CSMD1: variants seen among roughly 807,000 people sequenced by gnomAD.
The protein encoded by CSMD1 is CUB and Sushi multiple domains 1, also known as CUB and sushi domain-containing protein 1.
Under a neutral mutation model 417.5 loss-of-function variants are expected in CSMD1, and 213 were observed. The observed-to-expected ratio is 0.51, with a 90% CI of 0.46 to 0.57. CSMD1 has a LOEUF of 0.57. Among genes scored for constraint, CSMD1 ranks in the 20% least tolerant of loss-of-function variants. CSMD1 has a pLI of 0.00. For missense variants in CSMD1, 6,923 were observed against 4,529.7 expected, an observed-to-expected ratio of 1.53 and a Z score of -15.17; for synonymous variants, 2,862 against 1,736.8, an observed-to-expected ratio of 1.65 and a Z score of -16.11.
intron 3 of CSMD1, among the ~76,000 whole-genome samples, chr8:4,137,208 C>T (rs902880652): frequency 6.6e-6 from 1 of 152,190 alleles, no homozygotes; most frequent in African/African-American, 2.4e-5. Flanking sequence ...TGCCTGGAAA[C>T]AGTTGCCTTT....
intron 10 of CSMD1, among the ~76,000 whole-genome samples, chr8:3,533,969 A>G (rs568172480): frequency 6.6e-6 from 1 of 152,292 alleles, no homozygotes; most frequent in South Asian, 2.1e-4. Flanking sequence ...ACATGAAACA[A>G]AATTTTGTTT....
Position 4,715,063 on chromosome 8 carries a change from A to T in CSMD1, c.86-77505T>A, listed in dbSNP as rs1056682014. 1.2e-4 allele frequency among the ~76,000 whole-genome samples: 19 copies of T among 152,274 alleles called. No individual in the cohort carries two copies. The East Asian group carries it at 3.5e-3, about 28-fold the overall frequency. On this transcript the variant is annotated intron_variant, in intron 1 of 69. Transcript: ENST00000635120. Reference sequence around the variant, plus strand: ...TATGTTATTCAGGGTCTGTTATTTAAGTCCAGATAATTATCCAAAAACACT... The same window carrying T: ...TATGTTATTCAGGGTCTGTTATTTATGTCCAGATAATTATCCAAAAACACT...
chr8:3,337,423 G>A (rs918804599), intron 23 of CSMD1, among the ~76,000 whole-genome samples: 1 of 152,148 alleles, frequency 6.6e-6, no homozygotes, highest in Non-Finnish European at 1.5e-5. Context: ...CAGCCACAAG[G>A]TTTATTCTAC....
intron 7 of CSMD1, among the ~76,000 whole-genome samples, chr8:3,673,007 C>T (rs753151852): frequency 2.6e-5 from 4 of 152,172 alleles, no homozygotes; most frequent in Admixed American, 2.6e-4. Flanking sequence ...ACATACCATG[C>T]TTTCCTTGTT....
chr8:3,176,478 A>G (rs559532774), intron 37 of CSMD1, among the ~76,000 whole-genome samples: 6 of 152,286 alleles, frequency 3.9e-5, no homozygotes, highest in African/African-American at 1.4e-4. Context: ...TAGTATTGGT[A>G]TAACTATCTT....
At chr8:4,752,695 C>T (rs1024813151) in intron 1 of CSMD1, among the ~76,000 whole-genome samples, 2 of 152,138 alleles carry the variant, frequency 1.3e-5, no homozygotes, top group African/African-American at 2.4e-5. Context: ...GATTGCTCTA[C>T]ACAGGGGTGG....
intron 3 of CSMD1, among the ~76,000 whole-genome samples, chr8:4,165,934 C>G (rs1181441398): frequency 6.6e-6 from 1 of 152,210 alleles, no homozygotes; most frequent in African/African-American, 2.4e-5. Context: ...GATAAACTAT[C>G]ATTACTCTTA....
At chr8:3,581,874 T>C (rs1209619564) in intron 9 of CSMD1, among the ~76,000 whole-genome samples, 1 of 152,198 alleles carries the variant, frequency 6.6e-6, no homozygotes, top group Non-Finnish European at 1.5e-5. Context: ...GCACGATCTC[T>C]GCTTACTGCA....
At chr8:3,162,004 G>A (rs1327241900) in intron 38 of CSMD1, among the ~76,000 whole-genome samples, 155 bp downstream of exon 38, 1 of 152,204 alleles carries the variant, frequency 6.6e-6, no homozygotes, top group African/African-American at 2.4e-5. Context: ...TCCAAATGGT[G>A]ACGAAGATGA....
intron 2 of CSMD1, among the ~76,000 whole-genome samples, chr8:4,588,830 A>T (rs952886613): frequency 1.3e-4 from 20 of 148,240 alleles, no homozygotes; most frequent in Non-Finnish European, 1.5e-5. Flanking sequence ...TCTGTGCTTG[A>T]TTCTGTTCAC....
At chr8:4,121,173 G>C (rs879885541) in intron 3 of CSMD1, among the ~76,000 whole-genome samples, 6 of 151,894 alleles carry the variant, frequency 4.0e-5, no homozygotes, top group African/African-American at 9.7e-5. Flanking sequence ...GGAGTGCAAT[G>C]GCACGATCTT....
chr8:3,698,127 C>A (rs1224024015), intron 7 of CSMD1, among the ~76,000 whole-genome samples: 3 of 152,154 alleles, frequency 2.0e-5, no homozygotes, highest in African/African-American at 7.2e-5. Flanking sequence ...CTTCTAGTTC[C>A]CAGTGATGCT....
chr8:3,458,388 G>GA (rs1443925867), intron 12 of CSMD1, among the ~76,000 whole-genome samples: 2 of 152,048 alleles, frequency 1.3e-5, no homozygotes, highest in African/African-American at 2.4e-5. Context: ...ATATAACTCA[G>GA]AAAAAAATGG....
intron 40 of CSMD1, among the ~76,000 whole-genome samples, chr8:3,143,484 T>A (rs1818637324): frequency 6.6e-6 from 1 of 152,246 alleles, no homozygotes; most frequent in Admixed American, 6.5e-5. Flanking sequence ...GGCTGATAAT[T>A]TAAAAGGAAA....
At chr8:4,983,338 G>A (rs1811000014) in intron 1 of CSMD1, among the ~76,000 whole-genome samples, 1 of 152,058 alleles carries the variant, frequency 6.6e-6, no homozygotes, top group Admixed American at 6.5e-5. Context: ...TAAAAATAAT[G>A]GCTGGAATCA....
chr8:4,979,761 C>CG (rs2117422660), intron 1 of CSMD1, among the ~76,000 whole-genome samples: 2 of 152,226 alleles, frequency 1.3e-5, no homozygotes, highest in South Asian at 4.1e-4. Flanking sequence ...TAGTTGGCCA[C>CG]GCGTGGTGGC....
At chr8:4,905,815 A>T (rs866777923) in intron 1 of CSMD1, among the ~76,000 whole-genome samples, 4 of 114,860 alleles carry the variant, frequency 3.5e-5, no homozygotes, top group Admixed American at 9.8e-5. Flanking sequence ...GCGAGACTCC[A>T]TCTCAAAAAA....
At chr8:3,860,214 C>G (rs1009219986) in intron 5 of CSMD1, among the ~76,000 whole-genome samples, 31 of 152,134 alleles carry the variant, frequency 2.0e-4, no homozygotes, top group African/African-American at 7.5e-4. Flanking sequence ...AGGAACAGCA[C>G]CAGGTCGTGT....
At chr8:4,300,654 A>G (rs1443911348) in intron 3 of CSMD1, among the ~76,000 whole-genome samples, 1 of 152,180 alleles carries the variant, frequency 6.6e-6, no homozygotes, top group African/African-American at 2.4e-5. Context: ...ATTTAGCATT[A>G]GGTATATCTC....
Sources: gnomAD v4.1 joint callset for allele counts (sites outside exome capture counted in the v4.1 genomes callset) on GRCh38, gnomAD v4.1.1 for gene constraint, MANE v1.5 for transcripts, NCBI Gene and HGNC (gene_info 2026-07-23, HGNC 2026-07-21) for gene names.